FAM171B: variants seen among roughly 807,000 people sequenced by gnomAD.
FAM171B encodes the protein protein FAM171B.
FAM171B carries 19 observed loss-of-function variants against 75.6 expected under a neutral mutation model. The ratio of observed to expected loss-of-function variants is 0.25; its 90% CI spans 0.18 to 0.37. The LOEUF is 0.37. Ranked by LOEUF, FAM171B falls within the 10% of genes least tolerant of loss-of-function variation. The probability of loss-of-function intolerance (pLI) is 1.00; values close to 1 mark genes in which losing one functional copy is unlikely to be tolerated. For missense variants in FAM171B, 848 were observed against 982.4 expected (o/e 0.86, Z 1.83); for synonymous variants, 367 against 361.7 (o/e 1.01, Z -0.17).
At chr2:186,736,567 G>A (rs75824513) in intron 1 of FAM171B, among the ~76,000 whole-genome samples, 4 of 104,588 alleles carry the variant, frequency 3.8e-5, no homozygotes, top group East Asian at 2.7e-4. Flanking sequence ...TGTGTGTGTG[G>A]GAGAGAGAGA....
At position 186,747,261 on chromosome 2, in the gene FAM171B, C is replaced by T. The variant is rs1208183629; in HGVS notation, c.724+11C>T. ...CTCTCAATAAACCAGGTATTATCTA[C>T]TTTTTGTATAATATAGTTATAAGAA... On this transcript the variant is annotated intron_variant, in intron 4 of 7. Transcript: ENST00000304698. 1.9e-6 allele frequency: 3 copies of T among 1,548,056 alleles called. No individual in the cohort carries two copies. Among genetic ancestry groups the T allele is most frequent in the Non-Finnish European group, 2.6e-6 (3 of 1,148,662 alleles).
chr2:186,758,701 A>G (rs1364482664), intron 6 of FAM171B, among the ~76,000 whole-genome samples: 1 of 152,068 alleles, frequency 6.6e-6, no homozygotes, highest in African/African-American at 2.4e-5. Flanking sequence ...TGGGTACATG[A>G]TTGATAGGTG....
In FAM171B at chr2:186,737,936, G is replaced by A. The variant is rs147810112; in HGVS notation, c.239-2292G>A. Among the ~76,000 whole-genome samples, 246 of 152,334 alleles carry A rather than the reference G, an allele frequency of 1.6e-3. 1 individual carries two copies. The highest frequency in any genetic ancestry group is 5.3e-3 in the African/African-American group (222 of 41,590). On this transcript the variant is annotated intron_variant, in intron 1 of 7. Transcript: ENST00000304698. ...TTGCACAGCCCAGCAGGCTGTGCTCGGCTCGCGCCTGCTCAGATCCCACAC... is the reference window on the plus strand; with the variant it reads ...TTGCACAGCCCAGCAGGCTGTGCTCAGCTCGCGCCTGCTCAGATCCCACAC...
chr2:186,708,527 G>A (rs536906829), intron 1 of FAM171B, among the ~76,000 whole-genome samples: 6 of 152,164 alleles, frequency 3.9e-5, no homozygotes, highest in Non-Finnish European at 8.8e-5. Context: ...TTTGAGGTGT[G>A]TATAGCTACT....
At chr2:186,723,450 T>C (rs1689984428) in intron 1 of FAM171B, among the ~76,000 whole-genome samples, 1 of 151,672 alleles carries the variant, frequency 6.6e-6, no homozygotes. Context: ...CCCCCTTATG[T>C]CTTTTTTTTA....
At chr2:186,726,463 T>C (rs1468668537) in intron 1 of FAM171B, among the ~76,000 whole-genome samples, 2 of 152,132 alleles carry the variant, frequency 1.3e-5, no homozygotes, top group Admixed American at 1.3e-4. Context: ...GATTAAACCC[T>C]TTCCACCCCA....
At position 186,762,614 on chromosome 2, in the gene FAM171B, C is replaced by T. The variant is rs185643778; in HGVS notation, c.2272C>T (p.Pro758Ser). ...AACCACCGTCTGTTCCCCTGAGGACCCAGCTTTAAGGCACATCCTAGATGG... is the reference window on the plus strand; with the variant it reads ...AACCACCGTCTGTTCCCCTGAGGACTCAGCTTTAAGGCACATCCTAGATGG... ...SGTTVCSPEDPALRHILDGGS... is the reference protein window; with the variant it reads ...SGTTVCSPEDSALRHILDGGS... The change falls in exon 8 of 8, where the codon CCA becomes TCA. Residue 758 changes from proline to serine, a missense_variant. This residue lies in a region of FAM171B where 136 missense variants were observed against 159.3 expected (regional missense o/e 0.85). Transcript: ENST00000304698. This position sits in a 1 kb window ranked among gnomAD's most constrained non-coding sequence, Gnocchi z 4.0. The T allele has an allele frequency of 1.9e-6, 3 of 1,613,266 alleles. No individual in the cohort carries two copies. The highest frequency in any genetic ancestry group is 1.3e-5 in the African/African-American group (1 of 74,894).
chr2:186,732,309 A>G (rs1000124305), intron 1 of FAM171B, among the ~76,000 whole-genome samples: 5 of 152,156 alleles, frequency 3.3e-5, no homozygotes, highest in East Asian at 1.9e-4. Context: ...TAAGTTCTCA[A>G]TGATGATTGC....
At chr2:186,718,470 G>T (rs1689904960) in intron 1 of FAM171B, among the ~76,000 whole-genome samples, 1 of 152,000 alleles carries the variant, frequency 6.6e-6, no homozygotes, top group African/African-American at 2.4e-5. Flanking sequence ...TTCAAATTCA[G>T]TCTCAATTAT....
chr2:186,761,027 A>G (rs1391936117), intron 6 of FAM171B, 86 bp from the exon 7 acceptor site: 15 of 1,381,460 alleles, frequency 1.1e-5, no homozygotes, highest in Non-Finnish European at 1.5e-5. Context: ...ATGTACACTT[A>G]TTCAATTTGC....
chr2:186,701,855 A>T (rs1352262878), intron 1 of FAM171B, among the ~76,000 whole-genome samples: 1 of 152,224 alleles, frequency 6.6e-6, no homozygotes, highest in African/African-American at 2.4e-5. Flanking sequence ...CCAAGTATAT[A>T]AATATTGAAC....
chr2:186,694,155 G>C lies in FAM171B; in HGVS notation c.-19G>C, dbSNP rs754535871. The C allele has an allele frequency of 2.6e-6, 4 of 1,542,692 alleles. No individual in the cohort carries two copies. The African/African-American group carries it at 5.6e-5, about 22-fold the overall frequency. On this transcript the variant is annotated 5_prime_UTR_variant, in exon 1 of 8. Transcript: ENST00000304698. ...CCGGAGCCCCGCAATATGCCGCCGC[G>C]GCCCTCTGGCTCTAGGCCATGGCGA... is the stretch of plus-strand genomic sequence containing the variant.
intron 1 of FAM171B, among the ~76,000 whole-genome samples, chr2:186,704,586 A>T (rs1419548204): frequency 6.6e-6 from 1 of 152,180 alleles, no homozygotes; most frequent in African/African-American, 2.4e-5. Flanking sequence ...ACTGGAAATT[A>T]CAAAGTCTCA....
Position 186,751,381 on chromosome 2 carries a change from C to A in FAM171B, c.895+77C>A, listed in dbSNP as rs111912488. The A allele has an allele frequency of 9.4e-6, 12 of 1,277,346 alleles. No homozygotes were observed. The African/African-American group carries it at 1.2e-4, about 13-fold the overall frequency. 79.1% of individuals were successfully genotyped at this position (1,277,346 alleles called of 1,614,324 possible). A position where few individuals can be genotyped will look rare whatever the true frequency, so the allele number is the denominator to read the frequency against. On this transcript the variant is annotated intron_variant, in intron 5 of 7. Transcript: ENST00000304698. ...ACTAGCTGGATGTTTTATCTTAGAACTTGATACAGCTCTAGTTTTTTAGTA... is the reference window on the plus strand; with the variant it reads ...ACTAGCTGGATGTTTTATCTTAGAAATTGATACAGCTCTAGTTTTTTAGTA...
rs562292503 is a variant in FAM171B, at chr2:186,760,967, C to A, written c.1013-146C>A. Reference sequence around the variant, plus strand: ...TAAGCCAAAGGATAGGGAAGGTTTACTTCACCCATAGGGAAATCTGTCATA... The same window carrying A: ...TAAGCCAAAGGATAGGGAAGGTTTAATTCACCCATAGGGAAATCTGTCATA... On this transcript the variant is annotated intron_variant, in intron 6 of 7. Coordinates refer to ENST00000304698, the MANE Select transcript of FAM171B (RefSeq NM_177454.4). 8.7e-5 allele frequency: 67 copies of A among 767,324 alleles called. No individual in the cohort carries two copies. The African/African-American group carries it at 1.1e-3, about 13-fold the overall frequency. 47.5% of individuals were successfully genotyped at this position (767,324 alleles called of 1,614,324 possible). A position where few individuals can be genotyped will look rare whatever the true frequency, so the allele number is the denominator to read the frequency against.
In FAM171B at chr2:186,747,288, CATT is replaced by C. The variant is rs1690378826; in HGVS notation, c.724+40_724+42del. ...TTTTGTATAATATAGTTATAAGAAACATTAGTACACAAATCTTTCATCAAATAT... is the reference window on the plus strand; with the variant it reads ...TTTTGTATAATATAGTTATAAGAAACAGTACACAAATCTTTCATCAAATAT... On this transcript the variant is annotated intron_variant, in intron 4 of 7. Transcript: ENST00000304698. 2.2e-6 allele frequency: 3 copies of C among 1,361,132 alleles called. No individual in the cohort carries two copies. The South Asian group carries it at 4.7e-5, about 21-fold the overall frequency. 84.3% of individuals were successfully genotyped at this position (1,361,132 alleles called of 1,614,324 possible).
At chr2:186,737,468 T>C (rs1690220808) in intron 1 of FAM171B, among the ~76,000 whole-genome samples, 1 of 152,168 alleles carries the variant, frequency 6.6e-6, no homozygotes, top group Non-Finnish European at 1.5e-5. Context: ...TCATCCTTCC[T>C]TCTCACCCTC....
rs144403657 is a variant in FAM171B at position 186,694,302 on chromosome 2, A to ACAGCAGCAGCAGCAG, written c.135_149dup (p.Gln52_Gln56dup). On this transcript the variant is annotated inframe_insertion, in exon 1 of 8. Transcript: ENST00000304698. ...GCCGCTCCGACCTCAGCCTCATCCAACAGCAGCAGCAGCAGCAGCAACAAC... is the reference window on the plus strand; with the variant it reads ...GCCGCTCCGACCTCAGCCTCATCCAACAGCAGCAGCAGCAGCAGCAGCAGCAGCAGCAGCAACAAC... 6.4e-6 allele frequency: 10 copies of ACAGCAGCAGCAGCAG among 1,565,774 alleles called. No individual in the cohort carries two copies. Among genetic ancestry groups the ACAGCAGCAGCAGCAG allele is most frequent in the Non-Finnish European group, 7.8e-6 (9 of 1,152,374 alleles).
At chr2:186,707,007 T>C (rs1689741677) in intron 1 of FAM171B, among the ~76,000 whole-genome samples, 1 of 152,186 alleles carries the variant, frequency 6.6e-6, no homozygotes, top group Admixed American at 6.5e-5. Context: ...TCTGTGACTG[T>C]CTTCTCAGCC....
Sources: gnomAD v4.1 joint callset for allele counts (sites outside exome capture counted in the v4.1 genomes callset) on GRCh38, gnomAD v4.1.1 for gene constraint, gnomAD v4.1.1 regional missense constraint, Gnocchi (gnomAD v3.1) non-coding constraint, MANE v1.5 for transcripts, NCBI Gene and HGNC (gene_info 2026-07-23, HGNC 2026-07-21) for gene names.